SMCHD1: variants seen among roughly 807,000 people sequenced by gnomAD.
SMCHD1 encodes the protein structural maintenance of chromosomes flexible hinge domain containing 1.
SMCHD1 carries 78 observed loss-of-function variants against 254.7 expected under a neutral mutation model. The ratio of observed to expected loss-of-function variants is 0.31; its 90% confidence interval spans 0.26 to 0.37. The LOEUF (loss-of-function observed/expected upper bound fraction) is 0.37, where lower values mean the gene tolerates loss of function less well. Ranked by LOEUF, SMCHD1 falls within the 10% of genes least tolerant of loss-of-function variation. The pLI is 1.00. For synonymous variants in SMCHD1, 766 were observed against 794.9 expected (o/e 0.96, Z 0.61); for missense variants, 1,840 against 2,408.1 (o/e 0.76, Z 4.94).
chr18:2,783,354 A>C (rs1198021347), intron 44 of SMCHD1, among the ~76,000 whole-genome samples: 1 of 152,180 alleles, frequency 6.6e-6, no homozygotes, highest in Non-Finnish European at 1.5e-5. Context: ...CAGTACAAGA[A>C]GGCCCTTTTT....
chr18:2,685,852 T>C (rs1306276269), intron 5 of SMCHD1, among the ~76,000 whole-genome samples: 1 of 152,222 alleles, frequency 6.6e-6, no homozygotes, highest in Admixed American at 6.5e-5. Flanking sequence ...CTGCGTTTTG[T>C]CTATCAGTTC....
rs181537549 is a variant in SMCHD1, at chr18:2,677,531, T to C, written c.638+3386T>C. On this transcript the variant is annotated intron_variant, in intron 5 of 47. Transcript: ENST00000320876. Reference sequence around the variant, plus strand: ...GTTAAAATTGTGCAACCATCACCACTAATTCCAGAATATTTTTACAACTCC... The same window carrying C: ...GTTAAAATTGTGCAACCATCACCACCAATTCCAGAATATTTTTACAACTCC... Among the ~76,000 whole-genome samples, 98 of 152,364 alleles carry C rather than the reference T, an allele frequency of 6.4e-4. 1 individual carries two copies. Among genetic ancestry groups the C allele is most frequent in the Non-Finnish European group, 1.2e-3 (81 of 68,034 alleles).
intron 44 of SMCHD1, among the ~76,000 whole-genome samples, chr18:2,782,761 A>AAAACAAC (rs2076177270): frequency 1.3e-5 from 2 of 150,786 alleles, no homozygotes; most frequent in African/African-American, 2.4e-5. Context: ...AAAAAAAAAA[A>AAAACAAC]AAAAAAAAAA....
intron 37 of SMCHD1, among the ~76,000 whole-genome samples, chr18:2,766,903 T>A (rs566334156): frequency 5.9e-5 from 9 of 152,312 alleles, no homozygotes; most frequent in South Asian, 2.1e-4. Flanking sequence ...TATAAAACTT[T>A]GAGATAGGAG....
In SMCHD1 at chr18:2,769,949, G is replaced by A. The variant is rs779492261; in HGVS notation, c.4847-40G>A. 4 of 1,546,818 alleles carry A rather than the reference G, an allele frequency of 2.6e-6. No homozygotes were observed. In the South Asian group the frequency reaches 5.0e-5, roughly 19 times the overall value. Reference sequence around the variant, plus strand: ...TTTATGACATATTTTAGAAAAGTCAGTTTTTAAATTATTTAAATTATCTCA... The same window carrying A: ...TTTATGACATATTTTAGAAAAGTCAATTTTTAAATTATTTAAATTATCTCA... On this transcript the variant is annotated intron_variant, in intron 38 of 47. Coordinates refer to ENST00000320876, the MANE Select transcript of SMCHD1 (RefSeq NM_015295.3).
At chr18:2,761,854 G>T (rs1401647117) in intron 35 of SMCHD1, among the ~76,000 whole-genome samples, 1 of 151,972 alleles carries the variant, frequency 6.6e-6, no homozygotes, top group Non-Finnish European at 1.5e-5. Flanking sequence ...TAATTTTTTT[G>T]ATTACCTATG....
At position 2,770,066 on chromosome 18, in the gene SMCHD1, A is replaced by G. The variant is rs765796991; in HGVS notation, c.4924A>G (p.Ser1642Gly). Residue 1642 changes from serine to glycine, a missense_variant, in exon 39 of 48, where the codon AGT becomes GGT. Physicochemically the swap from Ser to Gly is moderately conservative, Grantham distance 56 (BLOSUM62 0). Transcript: ENST00000320876. ...ATCTCAGTCTATTGTTATGTATAAAAGTTTATTTGAAGCCAGCCAACAGCT... is the reference window on the plus strand; with the variant it reads ...ATCTCAGTCTATTGTTATGTATAAAGGTTTATTTGAAGCCAGCCAACAGCT... ...QLSQSIVMYK[S>G]LFEASQQLLN... 1 of 1,602,414 alleles carries G rather than the reference A, an allele frequency of 6.2e-7. No individual in the cohort carries two copies.
In SMCHD1 at chr18:2,698,697, G is replaced by C. The variant is rs151098563; in HGVS notation, c.1342+656G>C. ...CCTTTTTTTCCCCCCCCAGTAGAGA[G>C]ATAGGGATTTAACAATTATTTTCTA... On this transcript the variant is annotated intron_variant, in intron 10 of 47. Transcript: ENST00000320876. 2.6e-4 allele frequency among the ~76,000 whole-genome samples: 40 copies of C among 151,190 alleles called. 1 individual carries two copies. In the East Asian group the frequency reaches 7.4e-3, roughly 28 times the overall value.
At chr18:2,740,240 A>G (rs1363257259) in intron 27 of SMCHD1, among the ~76,000 whole-genome samples, 7 of 152,104 alleles carry the variant, frequency 4.6e-5, no homozygotes, top group Non-Finnish European at 8.8e-5. Flanking sequence ...AGCTTCATCC[A>G]TGTCCCTGCA....
Position 2,804,588 on chromosome 18 carries a change from CT to C in SMCHD1, c.*2037del, listed in dbSNP as rs2076415174. Reference sequence around the variant, plus strand: ...TCCATTTTTGTGGAGTTTTTCTACCCTGTAAAAATTAACTTTGTGGTTCCCA... The same window carrying C: ...TCCATTTTTGTGGAGTTTTTCTACCCGTAAAAATTAACTTTGTGGTTCCCA... On this transcript the variant is annotated 3_prime_UTR_variant, in exon 48 of 48. Transcript: ENST00000320876. The C allele has an allele frequency of 6.6e-6, 1 of 152,108 alleles. No homozygotes were observed. The highest frequency in any genetic ancestry group is 1.5e-5 in the Non-Finnish European group (1 of 68,032). 9.4% of individuals were successfully genotyped at this position (152,108 alleles called of 1,614,324 possible).
rs1239613336 is a variant in SMCHD1 at position 2,792,765 on chromosome 18, C to T, written c.5720-3184C>T. ...AATTATGATGGTTTTTTAAATAAAG[C>T]TATTCTTAATATTTTTATGAATAGT... is the stretch of plus-strand genomic sequence containing the variant. On this transcript the variant is annotated intron_variant, in intron 45 of 47. Coordinates refer to ENST00000320876, the MANE Select transcript of SMCHD1 (RefSeq NM_015295.3). Among the ~76,000 whole-genome samples the T allele has an allele frequency of 5.3e-5, 8 of 152,218 alleles. No individual in the cohort carries two copies. The East Asian group carries it at 1.5e-3, about 29-fold the overall frequency.
chr18:2,767,389 A>G (rs889202501), intron 37 of SMCHD1, among the ~76,000 whole-genome samples: 2 of 152,168 alleles, frequency 1.3e-5, no homozygotes, highest in Non-Finnish European at 2.9e-5. Flanking sequence ...GTAGAAAAAA[A>G]AAGTTTTTAA....
At chr18:2,670,059 T>C (rs1002896640) in intron 3 of SMCHD1, among the ~76,000 whole-genome samples, 1 of 152,192 alleles carries the variant, frequency 6.6e-6, no homozygotes, top group African/African-American at 2.4e-5. Context: ...ACCTGTCTTT[T>C]CATCCCTGTC....
intron 2 of SMCHD1, among the ~76,000 whole-genome samples, chr18:2,666,638 C>G (rs149493247): frequency 1.3e-5 from 2 of 152,180 alleles, no homozygotes; most frequent in Non-Finnish European, 2.9e-5. Flanking sequence ...CGTCTGATTT[C>G]CTGTGATAGT....
At chr18:2,795,163 C>T (rs183189956) in intron 45 of SMCHD1, among the ~76,000 whole-genome samples, 1 of 152,090 alleles carries the variant, frequency 6.6e-6, no homozygotes, top group African/African-American at 2.4e-5. Flanking sequence ...ACGCCATTCT[C>T]CTGCCTCAGC....
intron 45 of SMCHD1, chr18:2,784,840 T>C: frequency 1.8e-6 from 1 of 562,512 alleles, no homozygotes; most frequent in East Asian, 4.3e-5. Context: ...CATTCTTATA[T>C]GTAGTGCATG....
intron 42 of SMCHD1, 94 bp downstream of exon 42, chr18:2,776,018 C>T: frequency 1.8e-6 from 2 of 1,108,282 alleles, no homozygotes; most frequent in Middle Eastern, 2.5e-4. Flanking sequence ...TAAAAGATAC[C>T]TAAAACAGAG....
At chr18:2,771,196 G>A (rs2075978001) in intron 39 of SMCHD1, among the ~76,000 whole-genome samples, 1 of 152,126 alleles carries the variant, frequency 6.6e-6, no homozygotes, top group East Asian at 1.9e-4. Flanking sequence ...ACTAAAAATT[G>A]TTTTTATAAA....
intron 8 of SMCHD1, among the ~76,000 whole-genome samples, chr18:2,695,193 A>T (rs936805848): frequency 1.3e-5 from 2 of 152,188 alleles, no homozygotes; most frequent in Non-Finnish European, 2.9e-5. Flanking sequence ...ATATGTGCCT[A>T]TATGACATTA....
Sources: gnomAD v4.1 joint callset for allele counts (sites outside exome capture counted in the v4.1 genomes callset) on GRCh38, gnomAD v4.1.1 for gene constraint, MANE v1.5 for transcripts, NCBI Gene and HGNC (gene_info 2026-07-23, HGNC 2026-07-21) for gene names.